The following TEX29 variants were observed in gnomAD, a reference collection of about 807,000 sequenced individuals.
The protein encoded by TEX29 is testis-expressed protein 29.
Under a neutral mutation model 18.2 loss-of-function variants are expected in TEX29, and 26 were observed. The observed-to-expected ratio is 1.43, with a 90% CI of 1.04 to 1.98. The LOEUF is 1.98. Ranked by LOEUF, TEX29 falls within the 30% of genes most tolerant of loss-of-function variation. TEX29 has a pLI of 0.00. For synonymous variants in TEX29, 83 were observed against 78.5 expected (o/e 1.06, Z -0.31); for missense variants, 177 against 194.2 (o/e 0.91, Z 0.53).
chr13:111,322,595 G>T (rs796074363), intron 2 of TEX29, among the ~76,000 whole-genome samples: 6 of 152,298 alleles, frequency 3.9e-5, no homozygotes, highest in African/African-American at 1.4e-4. Flanking sequence ...GTCACCCAAG[G>T]CACTGCCCAA....
At chr13:111,324,030 A>G (rs1024118627) in intron 2 of TEX29, among the ~76,000 whole-genome samples, 1 of 152,186 alleles carries the variant, frequency 6.6e-6, no homozygotes, top group African/African-American at 2.4e-5. Flanking sequence ...CTGTGAAGAC[A>G]CATTCAGCCG....
intron 3 of TEX29, among the ~76,000 whole-genome samples, chr13:111,329,501 T>C (rs1345043368): frequency 2.0e-5 from 3 of 151,146 alleles, no homozygotes; most frequent in African/African-American, 7.3e-5. Context: ...CTGTATCTAG[T>C]AGGGCTTAGA....
chr13:111,325,016 G>A (rs1056614086), intron 2 of TEX29, among the ~76,000 whole-genome samples: 1 of 152,192 alleles, frequency 6.6e-6, no homozygotes, highest in Admixed American at 6.5e-5. Context: ...TGCTATCCAC[G>A]CAGACGGGGT....
At chr13:111,319,490 C>T (rs1331257945), upstream of TEX29, among the ~76,000 whole-genome samples, 1 of 152,186 alleles carries the variant, frequency 6.6e-6, no homozygotes, top group Non-Finnish European at 1.5e-5. Context: ...GTGTATGCTT[C>T]CTGGGCGTGT....
At chr13:111,338,098 A>G (rs2093692053) in intron 3 of TEX29, among the ~76,000 whole-genome samples, 2 of 149,226 alleles carry the variant, frequency 1.3e-5, no homozygotes. Context: ...TGTGCCCAGG[A>G]GGCCACTTTC....
intron 3 of TEX29, among the ~76,000 whole-genome samples, chr13:111,331,958 CA>C (rs2093683383): frequency 6.6e-6 from 1 of 152,154 alleles, no homozygotes. Flanking sequence ...TGTAGCTTTG[CA>C]GTAAATTTTG....
intron 5 of TEX29, 42 bp downstream of exon 5, chr13:111,342,973 C>A (rs140439471): frequency 3.7e-6 from 6 of 1,601,566 alleles, no homozygotes; most frequent in Non-Finnish European, 4.3e-6. Flanking sequence ...AGGTCAAGGG[C>A]GTGGCTCTGT....
chr13:111,320,480 C>T (rs1048748213), upstream of TEX29, among the ~76,000 whole-genome samples: 1 of 152,230 alleles, frequency 6.6e-6, no homozygotes, highest in African/African-American at 2.4e-5. Context: ...GAACTCCCTC[C>T]CTACATCTGT....
chr13:111,339,989 G>A, intron 4 of TEX29, 57 bp downstream of exon 4: 3 of 1,536,670 alleles, frequency 2.0e-6, no homozygotes, highest in Non-Finnish European at 2.7e-6. Context: ...ACCTCTCCTG[G>A]CCGCAGCTTC....
intron 4 of TEX29, among the ~76,000 whole-genome samples, chr13:111,342,048 G>T (rs1327861071): frequency 6.6e-6 from 1 of 152,188 alleles, no homozygotes; most frequent in Non-Finnish European, 1.5e-5. Flanking sequence ...TCAGAGATGA[G>T]TCCACTCCCT....
Position 111,339,906 on chromosome 13 carries a change from G to C in TEX29, c.213G>C (p.Gly71=). The C allele has an allele frequency of 6.2e-7, 1 of 1,611,738 alleles. No homozygotes were observed. The stretch of plus-strand genomic sequence containing the variant: ...CTGCCTTGATTGTGATCATCGCTGG[G>C]GCCTTCGTCATCACCATCATCTACA... ...VFSALIVIIA[G]AFVITIIYRV... is the part of the protein sequence containing the mutation. The change falls in exon 4 of 6, where the codon GGG becomes GGC. Residue 71 remains glycine, a synonymous_variant. Coordinates refer to ENST00000283547, the MANE Select transcript of TEX29 (RefSeq NM_152324.3).
At position 111,320,778 on chromosome 13, in the gene TEX29, C is replaced by G. The variant is rs955987973; in HGVS notation, c.-35+16C>G. On this transcript the variant is annotated intron_variant, in intron 1 of 5. Coordinates refer to ENST00000283547, the MANE Select transcript of TEX29 (RefSeq NM_152324.3). The stretch of plus-strand genomic sequence containing the variant: ...TGAGGCGCAGGTGAGTCGATGAACG[C>G]CCCCTCCTGGTGTGAGCCGCCCGCT... 4.6e-6 allele frequency: 6 copies of G among 1,313,198 alleles called. No individual in the cohort carries two copies. In the African/African-American group the frequency reaches 8.7e-5, roughly 19 times the overall value. 81.3% of individuals were successfully genotyped at this position (1,313,198 alleles called of 1,614,324 possible). A position where few individuals can be genotyped will look rare whatever the true frequency, so the allele number is the denominator to read the frequency against.
chr13:111,321,616 C>T (rs1186030575), intron 2 of TEX29, among the ~76,000 whole-genome samples: 1 of 140,680 alleles, frequency 7.1e-6, no homozygotes. Flanking sequence ...AAAACAACAA[C>T]AACAAAAACA....
intron 2 of TEX29, among the ~76,000 whole-genome samples, chr13:111,326,104 T>A (rs1194092321): frequency 6.6e-6 from 1 of 152,202 alleles, no homozygotes; most frequent in East Asian, 1.9e-4. Flanking sequence ...TCCAAGCTGG[T>A]GGGATCTTGG....
At chr13:111,336,332 C>T (rs528269881) in intron 3 of TEX29, among the ~76,000 whole-genome samples, 9 of 152,324 alleles carry the variant, frequency 5.9e-5, no homozygotes, top group Admixed American at 4.6e-4. Flanking sequence ...TCATTCAAAA[C>T]GACGAATGAA....
chr13:111,339,960 G>A, intron 4 of TEX29, 28 bp downstream of exon 4: 1 of 1,588,156 alleles, frequency 6.3e-7, no homozygotes, highest in Non-Finnish European at 8.6e-7. Flanking sequence ...TTACTGGGAG[G>A]GTGGGGAGGA....
rs372387953 is a variant in TEX29 at position 111,337,763 on chromosome 13, T to C, written c.170-2100T>C. On this transcript the variant is annotated intron_variant, in intron 3 of 5. Coordinates refer to ENST00000283547, the MANE Select transcript of TEX29 (RefSeq NM_152324.3). ...GAAATAAGGCAGCTGATTGGAAGAA[T>C]GTTTGACAAGCAGTTTCCCAGTGTG... Among the ~76,000 whole-genome samples, 56 of 152,218 alleles carry C rather than the reference T, an allele frequency of 3.7e-4. No homozygotes were observed. In the South Asian group the frequency reaches 0.01, roughly 28 times the overall value.
intron 2 of TEX29, among the ~76,000 whole-genome samples, chr13:111,325,227 T>G (rs1371587896): frequency 1.3e-5 from 2 of 152,336 alleles, no homozygotes; most frequent in African/African-American, 4.8e-5. Flanking sequence ...CCCGTTCCCC[T>G]AGCCTGGCCC....
intron 3 of TEX29, among the ~76,000 whole-genome samples, chr13:111,328,816 C>T (rs1465203295): frequency 2.6e-5 from 4 of 152,134 alleles, no homozygotes; most frequent in African/African-American, 9.7e-5. Context: ...GCCCCTCAAG[C>T]AGCACGGGGT....
Sources: gnomAD v4.1 joint callset for allele counts (sites outside exome capture counted in the v4.1 genomes callset) on GRCh38, gnomAD v4.1.1 for gene constraint, MANE v1.5 for transcripts, NCBI Gene and HGNC (gene_info 2026-07-23, HGNC 2026-07-21) for gene names.